The following MYO16 variants were observed in gnomAD, a reference collection of about 807,000 sequenced individuals.
MYO16 encodes the protein unconventional myosin-XVI.
In MYO16, 94 loss-of-function variants were observed where a neutral mutation model predicts 205.3. The observed-to-expected ratio is 0.46, with a 90% CI of 0.39 to 0.54. MYO16 has a LOEUF of 0.54. Ranked by LOEUF, MYO16 falls within the 20% of genes least tolerant of loss-of-function variation. The probability of loss-of-function intolerance (pLI) is 0.00; values close to 1 mark genes in which losing one functional copy is unlikely to be tolerated. For missense variants in MYO16, 2,315 were observed against 2,387.5 expected (o/e 0.97, Z 0.63); for synonymous variants, 988 against 954.0 (o/e 1.04, Z -0.66).
intron 1 of MYO16, among the ~76,000 whole-genome samples, chr13:108,616,205 G>C: frequency 6.6e-6 from 1 of 152,146 alleles, no homozygotes; most frequent in East Asian, 1.9e-4. Flanking sequence ...TCTATAACTA[G>C]TTTTTAAATT....
chr13:108,742,289 C>T (rs908012618), intron 4 of MYO16, among the ~76,000 whole-genome samples: 16 of 152,072 alleles, frequency 1.1e-4, no homozygotes, highest in South Asian at 4.1e-4. Context: ...CCACCACACC[C>T]GGCCCTAATC....
chr13:108,869,705 T>C (rs1380560461), intron 12 of MYO16, among the ~76,000 whole-genome samples: 18 of 119,946 alleles, frequency 1.5e-4, no homozygotes, highest in Non-Finnish European at 2.6e-4. Context: ...CACTCCAGCC[T>C]GGGCGACAGA....
At chr13:108,945,078 G>A (rs1882884210) in intron 16 of MYO16, among the ~76,000 whole-genome samples, 1 of 152,042 alleles carries the variant, frequency 6.6e-6, no homozygotes, top group Non-Finnish European at 1.5e-5. Flanking sequence ...TAAATATTTT[G>A]TATTGATTCA....
chr13:108,558,933 G>A, the MYO16 span, among the ~76,000 whole-genome samples: 3 of 151,002 alleles, frequency 2.0e-5, no homozygotes, highest in South Asian at 2.1e-4. Context: ...CTCAATATTT[G>A]TGGTTGCCTC....
chr13:108,772,446 T>G (rs1383458842), intron 4 of MYO16, among the ~76,000 whole-genome samples: 15 of 152,062 alleles, frequency 9.9e-5, no homozygotes, highest in Non-Finnish European at 1.6e-4. Flanking sequence ...TGAAAAAGAG[T>G]GTCTGTTGCT....
intron 32 of MYO16, among the ~76,000 whole-genome samples, chr13:109,151,777 G>A (rs1438959151): frequency 1.3e-5 from 2 of 152,230 alleles, no homozygotes; most frequent in Non-Finnish European, 2.9e-5. Flanking sequence ...AAAATGAGAA[G>A]ACTTAGGCAA....
At chr13:108,698,146 C>A (rs937038898) in intron 2 of MYO16, among the ~76,000 whole-genome samples, 1 of 152,178 alleles carries the variant, frequency 6.6e-6, no homozygotes, top group Non-Finnish European at 1.5e-5. Context: ...AGTAACTAGT[C>A]TCTGTGTCCC....
the MYO16 span, among the ~76,000 whole-genome samples, chr13:108,537,792 A>T: frequency 6.6e-6 from 1 of 151,250 alleles, no homozygotes; most frequent in East Asian, 1.9e-4. Context: ...TGTGTTTTCC[A>T]CTTGTATGTC....
chr13:108,500,387 G>A, the MYO16 span, among the ~76,000 whole-genome samples: 1 of 151,506 alleles, frequency 6.6e-6, no homozygotes, highest in South Asian at 2.1e-4. Context: ...CTGCCACCAC[G>A]CCCGGCTAAT....
chr13:108,954,007 T>C (rs1363500702), intron 16 of MYO16, among the ~76,000 whole-genome samples: 1 of 152,240 alleles, frequency 6.6e-6, no homozygotes, highest in Non-Finnish European at 1.5e-5. Context: ...ACCCATTACG[T>C]AGTTAACAGA....
intron 32 of MYO16, among the ~76,000 whole-genome samples, chr13:109,156,228 T>C (rs1878019118): frequency 6.6e-6 from 1 of 152,216 alleles, no homozygotes; most frequent in African/African-American, 2.4e-5. Context: ...ACGCACCATC[T>C]ATGTGTATCT....
chr13:108,681,603 C>CT (rs139888560), intron 2 of MYO16, among the ~76,000 whole-genome samples: 6 of 150,008 alleles, frequency 4.0e-5, no homozygotes, highest in Admixed American at 6.7e-5. Context: ...CCTCATCTTT[C>CT]TTTTTTTTTC....
intron 5 of MYO16, among the ~76,000 whole-genome samples, chr13:108,788,574 T>C (rs1886525549): frequency 6.6e-6 from 1 of 152,226 alleles, no homozygotes; most frequent in East Asian, 1.9e-4. Context: ...TGGCTCTGCA[T>C]ACACCACCAT....
intron 4 of MYO16, among the ~76,000 whole-genome samples, chr13:108,784,176 G>A (rs1458926413): frequency 6.6e-6 from 1 of 152,090 alleles, no homozygotes; most frequent in Non-Finnish European, 1.5e-5. Flanking sequence ...GCAGCTTGGA[G>A]ACTAAAGGAA....
chr13:109,181,232 A>G (rs1445756549), intron 34 of MYO16, among the ~76,000 whole-genome samples: 4 of 143,632 alleles, frequency 2.8e-5, no homozygotes, highest in Admixed American at 7.2e-5. Flanking sequence ...ACTGCCAGTC[A>G]TCTTGGGGCA....
At chr13:108,918,631 C>T (rs986460686) in intron 16 of MYO16, among the ~76,000 whole-genome samples, 9 of 152,126 alleles carry the variant, frequency 5.9e-5, no homozygotes, top group Non-Finnish European at 8.8e-5. Context: ...GAGGAGGTGA[C>T]GGCCAGCTGT....
chr13:108,637,827 A>T (rs1339516728), intron 1 of MYO16, among the ~76,000 whole-genome samples: 2 of 152,146 alleles, frequency 1.3e-5, no homozygotes, highest in African/African-American at 4.8e-5. Context: ...GTGAGCTGAG[A>T]TCACACCATT....
At chr13:108,567,689 A>G in the MYO16 span, among the ~76,000 whole-genome samples, 2 of 151,976 alleles carry the variant, frequency 1.3e-5, no homozygotes, top group African/African-American at 4.8e-5. Context: ...CTGTTTTAAC[A>G]TCTTTATTGA....
chr13:108,902,240 G>A (rs1451962617), intron 15 of MYO16, among the ~76,000 whole-genome samples: 2 of 152,270 alleles, frequency 1.3e-5, no homozygotes, highest in East Asian at 1.9e-4. Context: ...TCATGCCAAC[G>A]CTGGCTGTGT....
Sources: allele counts gnomAD v4.1 joint callset (sites outside exome capture counted in the v4.1 genomes callset), GRCh38; gene constraint gnomAD v4.1.1; transcripts MANE v1.5; gene names NCBI Gene and HGNC (gene_info 2026-07-23, HGNC 2026-07-21).